UNC5CL: variants seen among roughly 807,000 people sequenced by gnomAD.
The protein encoded by UNC5CL is unc-5 family C-terminal like.
UNC5CL carries 42 observed loss-of-function variants against 54.1 expected under a neutral mutation model. That is an observed-to-expected ratio of 0.78 (90% CI 0.61 to 1.00). UNC5CL has a LOEUF of 1.00. Ranked by LOEUF, UNC5CL falls within the 50% of genes least tolerant of loss-of-function variation. The probability of loss-of-function intolerance (pLI) is 0.00; values close to 1 mark genes in which losing one functional copy is unlikely to be tolerated. For synonymous variants in UNC5CL, 285 were observed against 285.1 expected (o/e 1.00, Z 0.00); for missense variants, 619 against 675.6 (o/e 0.92, Z 0.93).
chr6:41,032,728 T>C (rs554313667), intron 4 of UNC5CL, among the ~76,000 whole-genome samples, 156 bp downstream of exon 4: 1 of 152,032 alleles, frequency 6.6e-6, no homozygotes, highest in South Asian at 2.1e-4. Flanking sequence ...GCCACTGCAC[T>C]CCGGCCTGGG....
intron 1 of UNC5CL, among the ~76,000 whole-genome samples, chr6:41,038,748 C>T (rs1220825195): frequency 6.6e-6 from 1 of 152,136 alleles, no homozygotes; most frequent in Admixed American, 6.5e-5. Flanking sequence ...ATCACCTGTC[C>T]CTAGGCAGTT....
intron 3 of UNC5CL, chr6:41,033,535 C>T: frequency 2.0e-6 from 1 of 493,736 alleles, no homozygotes; most frequent in Non-Finnish European, 3.6e-6. Flanking sequence ...TGGTGCTAAG[C>T]CTGGGGACAG....
rs558547238 is a variant in UNC5CL at position 41,027,310 on chromosome 6, A to C, written c.*1063T>G. 9 of 152,398 alleles carry C rather than the reference A, an allele frequency of 5.9e-5. No homozygotes were observed. The highest frequency in any genetic ancestry group is 2.2e-4 in the African/African-American group (9 of 41,580). 9.4% of individuals were successfully genotyped at this position (152,398 alleles called of 1,614,324 possible). ...CTGAAGGGAAAAGAGGGAGGGTTTC[A>C]GGCAGAGAAAGAAACACACAAAGAC... On this transcript the variant is annotated 3_prime_UTR_variant, in exon 9 of 9. Transcript: ENST00000244565.
intron 3 of UNC5CL, 112 bp downstream of exon 3, chr6:41,033,769 C>T: frequency 1.6e-6 from 2 of 1,280,462 alleles, no homozygotes; most frequent in Non-Finnish European, 2.1e-6. Flanking sequence ...AAAGGATTTG[C>T]AGACCATCTT....
rs895604000 is a variant in UNC5CL at position 41,029,458 on chromosome 6, A to G, written c.1335-863T>C. ...TACTGGATTCTTACAGGAAGGCACA[A>G]GGAACACTTGCCTTTATTTTTCAAG... On this transcript the variant is annotated intron_variant, in intron 8 of 8. Transcript: ENST00000244565. This position sits in a 1 kb window ranked among gnomAD's most constrained non-coding sequence, Gnocchi z 4.1. Among the ~76,000 whole-genome samples, 1 of 152,262 alleles carries G rather than the reference A, an allele frequency of 6.6e-6. No individual in the cohort carries two copies. Among genetic ancestry groups the G allele is most frequent in the African/African-American group, 2.4e-5 (1 of 41,474 alleles).
Position 41,034,033 on chromosome 6 carries a change from A to C in UNC5CL, c.534T>G (p.Thr178=). 1 of 1,614,166 alleles carries C rather than the reference A, an allele frequency of 6.2e-7. No individual in the cohort carries two copies. Among genetic ancestry groups the C allele is most frequent in the Non-Finnish European group, 8.5e-7 (1 of 1,180,020 alleles). The change falls in exon 3 of 9, where the codon ACT becomes ACG. Residue 178 remains threonine, a synonymous_variant. Coordinates refer to ENST00000244565, the MANE Select transcript of UNC5CL (RefSeq NM_173561.3). ...PHGASFLKPC[T]LTFKHCAEQP... ...GCTCGGCACAGTGTTTGAACGTGAG[A>C]GTGCAAGGCTTCAGGAAGGAGGCCC...
chr6:41,033,917 G>A lies in UNC5CL; in HGVS notation c.650C>T (p.Ser217Phe), dbSNP rs138615301. 2.0e-5 allele frequency: 32 copies of A among 1,613,754 alleles called. No homozygotes were observed. Among genetic ancestry groups the A allele is most frequent in the Non-Finnish European group, 2.5e-5 (29 of 1,179,870 alleles). ...GAGGTGGATGCGACACTCATCCCGGGAGGCGTGGGCCCCCGGCCGCCCCAG... is the reference window on the plus strand; with the variant it reads ...GAGGTGGATGCGACACTCATCCCGGAAGGCGTGGGCCCCCGGCCGCCCCAG... ...RPLGRPGAHA[S>F]RDECRIHLSH... is the part of the protein sequence containing the mutation. Residue 217 changes from serine to phenylalanine, a missense_variant, in exon 3 of 9, where the codon TCC (serine) becomes TTC (phenylalanine). Transcript: ENST00000244565.
At chr6:41,032,803 A>T in intron 4 of UNC5CL, 81 bp downstream of exon 4, 1 of 1,452,968 alleles carries the variant, frequency 6.9e-7, no homozygotes, top group Non-Finnish European at 9.1e-7. Context: ...CCAGATCTCC[A>T]GATGTCCAGG....
chr6:41,035,271 CT>C, intron 1 of UNC5CL, 136 bp from the exon 2 acceptor site: 1 of 599,620 alleles, frequency 1.7e-6, no homozygotes, highest in Non-Finnish European at 2.7e-6. Context: ...TTCTTTTAAC[CT>C]GTCTCTCTTA....
rs1366873401 is a variant in UNC5CL at position 41,028,506 on chromosome 6, A to C, written c.1424T>G (p.Met475Arg). The C allele has an allele frequency of 6.2e-7, 1 of 1,613,872 alleles. No homozygotes were observed. The highest frequency in any genetic ancestry group is 1.7e-5 in the Admixed American group (1 of 60,018). Residue 475 changes from methionine to arginine, a missense_variant, in exon 9 of 9, where the codon ATG (methionine) becomes AGG (arginine). Met to Arg is a moderately conservative substitution (Grantham distance 91). Coordinates refer to ENST00000244565, the MANE Select transcript of UNC5CL (RefSeq NM_173561.3). The surrounding 1 kb of genome is among the most constrained non-coding windows in gnomAD (Gnocchi z 4.3). ...GCAGTCTAGCCGCTCCATGACGGTC[A>C]TGAGGTAGTGCAGCTCCTGCAGGCT... is the stretch of plus-strand genomic sequence containing the variant. ...NGSLQELHYL[M>R]TVMERLDCAS...
intron 1 of UNC5CL, among the ~76,000 whole-genome samples, chr6:41,037,784 G>A (rs1180619006): frequency 6.6e-6 from 1 of 152,216 alleles, no homozygotes; most frequent in African/African-American, 2.4e-5. Context: ...ATGGGAAGGG[G>A]GTTGGAGCAG....
chr6:41,030,593 G>C (rs1027405840), intron 7 of UNC5CL, 62 bp downstream of exon 7: 2 of 1,609,084 alleles, frequency 1.2e-6, no homozygotes, highest in African/African-American at 1.3e-5. Context: ...TAGTCACCCT[G>C]TGGGTGCCAG....
chr6:41,030,021 T>C (rs1319788956), intron 8 of UNC5CL, among the ~76,000 whole-genome samples: 2 of 152,186 alleles, frequency 1.3e-5, no homozygotes, highest in African/African-American at 4.8e-5. Context: ...CCATTATTGA[T>C]AACATTTATT....
chr6:41,032,218 G>T, intron 4 of UNC5CL, 81 bp from the exon 5 acceptor site: 1 of 1,188,964 alleles, frequency 8.4e-7, no homozygotes, highest in Non-Finnish European at 1.2e-6. Context: ...GGAGGCATGA[G>T]GACAGAACAA....
At chr6:41,034,618 C>T in intron 2 of UNC5CL, 72 bp downstream of exon 2, 1 of 1,522,600 alleles carries the variant, frequency 6.6e-7, no homozygotes, top group Admixed American at 1.8e-5. Flanking sequence ...ATGAACATTG[C>T]TCCCTCAGAT....
chr6:41,029,766 A>ATGGAG lies in UNC5CL; in HGVS notation c.1334+617_1334+621dup, dbSNP rs1195906520. On this transcript the variant is annotated intron_variant, in intron 8 of 8. Coordinates refer to ENST00000244565, the MANE Select transcript of UNC5CL (RefSeq NM_173561.3). This position sits in a 1 kb window ranked among gnomAD's most constrained non-coding sequence, Gnocchi z 4.1. The stretch of plus-strand genomic sequence containing the variant: ...CAGGAGAATTACTTGAACCCGGGAG[A>ATGGAG]TGGAGGTTGCAGTGAGCCAAGATTG... Among the ~76,000 whole-genome samples the ATGGAG allele has an allele frequency of 6.6e-6, 1 of 152,008 alleles. No individual in the cohort carries two copies. Among genetic ancestry groups the ATGGAG allele is most frequent in the Non-Finnish European group, 1.5e-5 (1 of 67,990 alleles).
chr6:41,031,583 G>T, intron 6 of UNC5CL, 98 bp downstream of exon 6: 1 of 1,215,620 alleles, frequency 8.2e-7, no homozygotes. Flanking sequence ...TTACCTATGT[G>T]ATTAAGACCA....
At chr6:41,036,273 A>T (rs1762523065) in intron 1 of UNC5CL, among the ~76,000 whole-genome samples, 1 of 152,214 alleles carries the variant, frequency 6.6e-6, no homozygotes, top group African/African-American at 2.4e-5. Flanking sequence ...CTTCATACCC[A>T]GTCTTTGAAA....
rs182547237 is a variant in UNC5CL, at chr6:41,036,621, T to C, written c.-61-1486A>G. Among the ~76,000 whole-genome samples the C allele has an allele frequency of 2.7e-3, 415 of 152,292 alleles. 2 individuals carry two copies. Among genetic ancestry groups the C allele is most frequent in the Non-Finnish European group, 5.0e-3 (343 of 68,030 alleles). On this transcript the variant is annotated intron_variant, in intron 1 of 8. Transcript: ENST00000244565. ...TGGCATAAGGTCATGTGAAAAGTAT[T>C]TGTAGATGAGAAAGCACTGTCCAAA...
Sources: gnomAD v4.1 joint callset for allele counts (sites outside exome capture counted in the v4.1 genomes callset) on GRCh38, gnomAD v4.1.1 for gene constraint, Gnocchi (gnomAD v3.1) non-coding constraint, MANE v1.5 for transcripts, NCBI Gene and HGNC (gene_info 2026-07-23, HGNC 2026-07-21) for gene names.